The following CAMTA1 variants were observed in gnomAD, a reference collection of about 807,000 sequenced individuals.
The protein encoded by CAMTA1 is calmodulin-binding transcription activator 1.
CAMTA1 carries 27 observed loss-of-function variants against 170.9 expected under a neutral mutation model. The observed-to-expected ratio is 0.16, with a 90% CI of 0.12 to 0.22. The LOEUF (loss-of-function observed/expected upper bound fraction) is 0.22, where lower values mean the gene tolerates loss of function less well. Ranked by LOEUF, CAMTA1 falls within the 10% of genes least tolerant of loss-of-function variation. CAMTA1 has a pLI of 1.00. For synonymous variants in CAMTA1, 833 were observed against 891.5 expected, an observed-to-expected ratio of 0.93 and a Z score of 1.17; for missense variants, 1,619 against 2,217.2, an observed-to-expected ratio of 0.73 and a Z score of 5.42.
At chr1:7,387,592 TCGTGCTTCTCTG>T (rs2088155691) in intron 5 of CAMTA1, among the ~76,000 whole-genome samples, 1 of 152,188 alleles carries the variant, frequency 6.6e-6, no homozygotes, top group Admixed American at 6.5e-5. Context: ...CTGGGGCCTC[TCGTGCTTCTCTG>T]CTTTTCTTAA....
At chr1:7,150,803 C>G (rs914701665) in intron 4 of CAMTA1, among the ~76,000 whole-genome samples, 2 of 152,182 alleles carry the variant, frequency 1.3e-5, no homozygotes, top group African/African-American at 4.8e-5. Context: ...TGACCTGGCT[C>G]CTGGTCAGAC....
Position 7,276,303 on chromosome 1 carries a change from A to ATATAATTTTTT in CAMTA1, c.438+26678_438+26679insATAATTTTTTT. On this transcript the variant is annotated intron_variant, in intron 5 of 22. Coordinates refer to ENST00000303635, the MANE Select transcript of CAMTA1 (RefSeq NM_015215.4). ...CATATATATATATATATATATATAT[A>ATATAATTTTTT]TTTTTTTTTTTTTTTTTTCTTTTTG... Among the ~76,000 whole-genome samples, 129 of 24,228 alleles carry ATATAATTTTTT rather than the reference A, an allele frequency of 5.3e-3. 21 individuals are homozygous for ATATAATTTTTT. The highest frequency in any genetic ancestry group is 0.036 in the African/African-American group (122 of 3,362). The allele number at this position is 24,228 out of a possible 152,430, so 15.9% of individuals were successfully genotyped here. A position where few individuals can be genotyped will look rare whatever the true frequency, so the allele number is the denominator to read the frequency against.
At chr1:7,372,326 G>C (rs2086534739) in intron 5 of CAMTA1, among the ~76,000 whole-genome samples, 1 of 152,212 alleles carries the variant, frequency 6.6e-6, no homozygotes, top group Admixed American at 6.5e-5. Context: ...ACAAATCTAG[G>C]TAAGACTGAA....
chr1:6,884,094 A>G (rs1053542834), intron 3 of CAMTA1, among the ~76,000 whole-genome samples: 1 of 152,024 alleles, frequency 6.6e-6, no homozygotes, highest in Non-Finnish European at 1.5e-5. Context: ...ATCACAGGGG[A>G]AGTGTTTAAA....
intron 3 of CAMTA1, chr1:6,886,195 T>G (rs1291262108): frequency 1.8e-5 from 8 of 455,262 alleles, no homozygotes; most frequent in Non-Finnish European, 4.4e-6. Context: ...ACTTAATAAG[T>G]GTTTTGGAGG....
intron 3 of CAMTA1, among the ~76,000 whole-genome samples, chr1:6,940,055 TGTTGA>T (rs1420027328): frequency 1.3e-5 from 2 of 152,184 alleles, no homozygotes; most frequent in Non-Finnish European, 2.9e-5. Flanking sequence ...AGCAGAAGTG[TGTTGA>T]GTTGAGTCCC....
rs2095757312 is a variant in CAMTA1, at chr1:7,641,155, G to C, written c.664+602G>C. ...AGCTGGGGCTGCTCCGTACTTTGTT[G>C]CCGTGGCCACAGCTCCCGGCAGCCG... On this transcript the variant is annotated intron_variant, in intron 7 of 22. Transcript: ENST00000303635. This position sits in a 1 kb window ranked among gnomAD's most constrained non-coding sequence, Gnocchi z 4.5. Among the ~76,000 whole-genome samples the C allele has an allele frequency of 6.6e-6, 1 of 152,252 alleles. No homozygotes were observed. Among genetic ancestry groups the C allele is most frequent in the South Asian group, 2.1e-4 (1 of 4,832 alleles).
intron 4 of CAMTA1, among the ~76,000 whole-genome samples, chr1:7,151,080 G>C (rs1646545163): frequency 6.6e-6 from 1 of 152,222 alleles, no homozygotes; most frequent in African/African-American, 2.4e-5. Flanking sequence ...CCAAGAATGA[G>C]AAAAACACTT....
chr1:7,257,580 C>CTG (rs35500006), intron 5 of CAMTA1, among the ~76,000 whole-genome samples: 118,752 of 152,052 alleles, frequency 0.78, 46,846 homozygotes, highest in African/African-American at 0.89. Context: ...CAGCGAGGGT[C>CTG]TGTGCGTACT....
intron 5 of CAMTA1, among the ~76,000 whole-genome samples, chr1:7,290,302 C>G (rs1672938916): frequency 6.6e-6 from 1 of 152,230 alleles, no homozygotes; most frequent in African/African-American, 2.4e-5. Flanking sequence ...TTCAGTCCCT[C>G]TGGATTTAGG....
In CAMTA1 at chr1:7,561,195, C is replaced by A. The variant is rs1249396932; in HGVS notation, c.511-79205C>A. ...ATGAAGGGCTCCCAGCAAACCACAG[C>A]CGATCCAGGCAGGAAGAGCCCAACA... On this transcript the variant is annotated intron_variant, in intron 6 of 22. Coordinates refer to ENST00000303635, the MANE Select transcript of CAMTA1 (RefSeq NM_015215.4). The surrounding 1 kb of genome is among the most constrained non-coding windows in gnomAD (Gnocchi z 5.3). Among the ~76,000 whole-genome samples the A allele has an allele frequency of 1.3e-5, 2 of 152,082 alleles. No individual in the cohort carries two copies. The highest frequency in any genetic ancestry group is 2.9e-5 in the Non-Finnish European group (2 of 67,998).
intron 3 of CAMTA1, among the ~76,000 whole-genome samples, chr1:7,037,336 T>C (rs934680637): frequency 6.6e-6 from 1 of 151,998 alleles, no homozygotes; most frequent in Non-Finnish European, 1.5e-5. Flanking sequence ...CCAGGAGGGG[T>C]GCGTGAGGCA....
intron 6 of CAMTA1, among the ~76,000 whole-genome samples, chr1:7,499,678 T>C (rs1178840892): frequency 2.1e-5 from 3 of 144,958 alleles, no homozygotes; most frequent in Non-Finnish European, 3.0e-5. Context: ...TGAGTGTGTG[T>C]GAACCTGGTG....
intron 1 of CAMTA1, among the ~76,000 whole-genome samples, chr1:6,809,243 T>G (rs1570273084): frequency 6.6e-6 from 1 of 152,004 alleles, no homozygotes; most frequent in African/African-American, 2.4e-5. Flanking sequence ...GCCAGGCTGG[T>G]CTTGAACTCC....
chr1:6,786,255 G>A (rs1639307611), intron 1 of CAMTA1, among the ~76,000 whole-genome samples: 1 of 151,784 alleles, frequency 6.6e-6, no homozygotes, highest in Non-Finnish European at 1.5e-5. Context: ...CTCCCCCTTC[G>A]CTTCCCGGGA....
chr1:7,703,350 A>G (rs1013145480), intron 11 of CAMTA1, among the ~76,000 whole-genome samples: 1 of 152,184 alleles, frequency 6.6e-6, no homozygotes, highest in Non-Finnish European at 1.5e-5. Flanking sequence ...ATACTGACCT[A>G]GAGCAGGATT....
intron 1 of CAMTA1, among the ~76,000 whole-genome samples, chr1:6,818,186 A>G (rs1646055514): frequency 2.0e-5 from 3 of 152,072 alleles, no homozygotes; most frequent in Non-Finnish European, 4.4e-5. Flanking sequence ...AAAATACACA[A>G]ATTAGCCAGG....
At chr1:7,363,868 C>A (rs1370779135) in intron 5 of CAMTA1, among the ~76,000 whole-genome samples, 1 of 152,100 alleles carries the variant, frequency 6.6e-6, no homozygotes, top group African/African-American at 2.4e-5. Context: ...TGGTAGCCCC[C>A]CTCAAAGGCA....
At chr1:7,754,096 T>C (rs2096915741) in intron 21 of CAMTA1, among the ~76,000 whole-genome samples, 1 of 152,194 alleles carries the variant, frequency 6.6e-6, no homozygotes, top group Non-Finnish European at 1.5e-5. Context: ...CATTCTCCAA[T>C]ACGTTCATAG....
Sources: gnomAD v4.1 joint callset for allele counts (sites outside exome capture counted in the v4.1 genomes callset) on GRCh38, gnomAD v4.1.1 for gene constraint, Gnocchi (gnomAD v3.1) non-coding constraint, MANE v1.5 for transcripts, NCBI Gene and HGNC (gene_info 2026-07-23, HGNC 2026-07-21) for gene names.